Variants in HMGCLL1 observed in about 807,000 individuals in gnomAD.
The protein encoded by HMGCLL1 is 3-hydroxy-3-methylglutaryl-CoA lyase like 1.
HMGCLL1 carries 36 observed loss-of-function variants against 39.1 expected under a neutral mutation model. That is an observed-to-expected ratio of 0.92 (90% CI 0.71 to 1.22). The LOEUF is 1.22. Ranked by LOEUF, HMGCLL1 falls within the 50% of genes most tolerant of loss-of-function variation. The pLI is 0.00. For missense variants in HMGCLL1, 451 were observed against 416.5 expected, an observed-to-expected ratio of 1.08 and a Z score of -0.72; for synonymous variants, 149 against 144.0, an observed-to-expected ratio of 1.03 and a Z score of -0.25.
intron 7 of HMGCLL1, among the ~76,000 whole-genome samples, chr6:55,442,891 T>C (rs1274594562): frequency 2.0e-5 from 3 of 152,210 alleles, no homozygotes; most frequent in Non-Finnish European, 2.9e-5. Context: ...TTGACCCGTC[T>C]CTGGGAGTCT....
the HMGCLL1 span, among the ~76,000 whole-genome samples, chr6:55,621,963 T>C: frequency 6.6e-6 from 1 of 152,116 alleles, no homozygotes; most frequent in South Asian, 2.1e-4. Flanking sequence ...TTAACATCAG[T>C]TGAGTTTTCA....
chr6:55,652,487 G>T, the HMGCLL1 span, among the ~76,000 whole-genome samples: 1 of 152,144 alleles, frequency 6.6e-6, no homozygotes, highest in East Asian at 1.9e-4. Flanking sequence ...AACCCTAAGA[G>T]AATAAACTGC....
intron 7 of HMGCLL1, among the ~76,000 whole-genome samples, chr6:55,440,596 A>C (rs1763552401): frequency 6.6e-6 from 1 of 152,276 alleles, no homozygotes; most frequent in Non-Finnish European, 1.5e-5. Flanking sequence ...TTCGGTAATC[A>C]GAAGATACAG....
chr6:55,650,759 G>T, the HMGCLL1 span, among the ~76,000 whole-genome samples: 1 of 152,026 alleles, frequency 6.6e-6, no homozygotes, highest in East Asian at 1.9e-4. Context: ...ACTATACAAA[G>T]TTTTCCTTGC....
chr6:55,582,390 G>C (rs978988939), upstream of HMGCLL1, among the ~76,000 whole-genome samples: 1 of 152,082 alleles, frequency 6.6e-6, no homozygotes, highest in African/African-American at 2.4e-5. Context: ...AATTCATACT[G>C]TATAGTCTGA....
At chr6:55,437,168 C>T (rs1502208) in intron 8 of HMGCLL1, among the ~76,000 whole-genome samples, 64,116 of 151,656 alleles carry the variant, frequency 0.42, 13,664 homozygotes, top group African/African-American at 0.47. Flanking sequence ...TTTTATTTAA[C>T]CAGTAGATAT....
the HMGCLL1 span, among the ~76,000 whole-genome samples, chr6:55,595,860 C>T: frequency 0.011 from 1,748 of 152,220 alleles, 23 homozygotes; most frequent in Non-Finnish European, 0.019. Flanking sequence ...TGACGTTAAA[C>T]GCTGCAGCAT....
At chr6:55,537,287 G>T (rs893041334) in intron 3 of HMGCLL1, among the ~76,000 whole-genome samples, 1 of 152,098 alleles carries the variant, frequency 6.6e-6, no homozygotes, top group Non-Finnish European at 1.5e-5. Context: ...TAAATTTCCT[G>T]TCTTGGATTC....
chr6:55,604,081 T>C, the HMGCLL1 span, among the ~76,000 whole-genome samples: 7 of 152,254 alleles, frequency 4.6e-5, no homozygotes, highest in African/African-American at 1.4e-4. Context: ...GCCAAAATTT[T>C]CCTTCCCTTT....
chr6:55,667,123 C>T, the HMGCLL1 span, among the ~76,000 whole-genome samples: 2 of 151,724 alleles, frequency 1.3e-5, no homozygotes, highest in South Asian at 4.1e-4. Context: ...CCTTCTAAGT[C>T]CACCACATAC....
the HMGCLL1 span, among the ~76,000 whole-genome samples, chr6:55,626,249 A>G: frequency 6.6e-6 from 1 of 152,054 alleles, no homozygotes; most frequent in Admixed American, 6.6e-5. Context: ...CCTGCACACA[A>G]TGCTTCTGCC....
chr6:55,513,767 T>G (rs1581881629), intron 5 of HMGCLL1: 1 of 411,124 alleles, frequency 2.4e-6, no homozygotes, highest in Non-Finnish European at 4.2e-6. Flanking sequence ...AGGGCTGCAT[T>G]TGGGTGCTAG....
At chr6:55,466,508 C>T (rs1377461524) in intron 7 of HMGCLL1, among the ~76,000 whole-genome samples, 1 of 152,112 alleles carries the variant, frequency 6.6e-6, no homozygotes, top group African/African-American at 2.4e-5. Context: ...CTCTGGAGGA[C>T]AGCTATGCAT....
the HMGCLL1 span, among the ~76,000 whole-genome samples, chr6:55,648,883 T>C: frequency 7.2e-6 from 1 of 138,148 alleles, no homozygotes; most frequent in South Asian, 2.6e-4. Flanking sequence ...AGCATCATTC[T>C]GATACCAAAG....
the HMGCLL1 span, among the ~76,000 whole-genome samples, chr6:55,599,580 A>G: frequency 6.6e-6 from 1 of 152,182 alleles, no homozygotes; most frequent in Non-Finnish European, 1.5e-5. Context: ...TCAAGTGCCC[A>G]GATGAAATCT....
the HMGCLL1 span, among the ~76,000 whole-genome samples, chr6:55,652,228 C>T: frequency 6.6e-6 from 1 of 152,022 alleles, no homozygotes; most frequent in Non-Finnish European, 1.5e-5. Flanking sequence ...ATGCTTCTAA[C>T]AAGATATTCA....
intron 7 of HMGCLL1, among the ~76,000 whole-genome samples, chr6:55,463,100 G>A (rs925043617): frequency 4.7e-5 from 7 of 149,138 alleles, no homozygotes; most frequent in Admixed American, 6.8e-5. Context: ...GCGCAATCTC[G>A]GCTCACTGCA....
intron 7 of HMGCLL1, among the ~76,000 whole-genome samples, chr6:55,455,693 A>G (rs1764292970): frequency 6.6e-6 from 1 of 152,158 alleles, no homozygotes; most frequent in South Asian, 2.1e-4. Flanking sequence ...TTGGTTGATT[A>G]TGGGGGATAA....
chr6:55,605,639 T>A, the HMGCLL1 span, among the ~76,000 whole-genome samples: 1 of 152,166 alleles, frequency 6.6e-6, no homozygotes, highest in Non-Finnish European at 1.5e-5. Flanking sequence ...TTTACATATC[T>A]TGATTCACAA....
Sources: allele counts gnomAD v4.1 joint callset (sites outside exome capture counted in the v4.1 genomes callset), GRCh38; gene constraint gnomAD v4.1.1; transcripts MANE v1.5; gene names NCBI Gene and HGNC (gene_info 2026-07-23, HGNC 2026-07-21).